GPR176: variants seen among roughly 807,000 people sequenced by gnomAD.
The protein encoded by GPR176 is G protein-coupled receptor 176.
Under a neutral mutation model 35.4 loss-of-function variants are expected in GPR176, and 26 were observed. The observed-to-expected ratio is 0.74, with a 90% CI of 0.54 to 1.02. GPR176 has a LOEUF of 1.02. GPR176 is among the 50% of genes least tolerant of loss of function. The probability of loss-of-function intolerance (pLI) is 0.00; values close to 1 mark genes in which losing one functional copy is unlikely to be tolerated. For missense variants in GPR176, 597 were observed against 665.3 expected, an observed-to-expected ratio of 0.90 and a Z score of 1.13; for synonymous variants, 278 against 271.3, an observed-to-expected ratio of 1.02 and a Z score of -0.24.
intron 1 of GPR176, among the ~76,000 whole-genome samples, chr15:39,906,394 G>A (rs189328336): frequency 1.4e-4 from 22 of 152,328 alleles, no homozygotes; most frequent in Non-Finnish European, 1.5e-5. Context: ...TAATAGCCAT[G>A]TGTGTCAGCA....
intron 1 of GPR176, among the ~76,000 whole-genome samples, chr15:39,876,102 G>A (rs1442107850): frequency 6.6e-6 from 1 of 151,822 alleles, no homozygotes; most frequent in Admixed American, 6.6e-5. Flanking sequence ...AGTGAGCCAC[G>A]ATCCTGCCAC....
chr15:39,851,936 T>G (rs1334184215), intron 1 of GPR176, among the ~76,000 whole-genome samples: 3 of 152,166 alleles, frequency 2.0e-5, no homozygotes, highest in Non-Finnish European at 4.4e-5. Context: ...AGTGCTTCCT[T>G]GGCTGCTATC....
At chr15:39,859,537 G>A (rs948651329) in intron 1 of GPR176, among the ~76,000 whole-genome samples, 1 of 151,032 alleles carries the variant, frequency 6.6e-6, no homozygotes, top group Non-Finnish European at 1.5e-5. Flanking sequence ...CAAGGATGCA[G>A]AGAAATTGGA....
intron 1 of GPR176, among the ~76,000 whole-genome samples, chr15:39,853,084 G>A (rs969588276): frequency 6.6e-6 from 1 of 152,048 alleles, no homozygotes; most frequent in Non-Finnish European, 1.5e-5. Context: ...CAAAAGAACT[G>A]AAATCTGAAT....
intron 1 of GPR176, among the ~76,000 whole-genome samples, chr15:39,903,731 C>A (rs1753725131): frequency 1.3e-5 from 2 of 152,056 alleles, no homozygotes; most frequent in Admixed American, 1.3e-4. Context: ...AAAACTGCAT[C>A]ATGAATTTTA....
chr15:39,807,068 T>G lies in GPR176; in HGVS notation c.363A>C (p.Lys121Asn), dbSNP rs1241111685. 1 of 1,613,820 alleles carries G rather than the reference T, an allele frequency of 6.2e-7. No individual in the cohort carries two copies. Among genetic ancestry groups the G allele is most frequent in the Admixed American group, 1.7e-5 (1 of 59,974 alleles). Residue 121 changes from lysine to asparagine, a missense_variant, in exon 2 of 3, where the codon AAA (lysine) becomes AAC (asparagine). By Grantham distance (94) the Lys-to-Asn change is moderately conservative. This residue lies in a region of GPR176 where 220 missense variants were observed against 297.6 expected (regional missense o/e 0.74). Coordinates refer to ENST00000561100, the MANE Select transcript of GPR176 (RefSeq NM_007223.3). ...IYTMLFCKVVKFLHKVFCSVT... is the reference protein window; with the variant it reads ...IYTMLFCKVVNFLHKVFCSVT... The stretch of plus-strand genomic sequence containing the variant: ...CAGAGCAGAATACTTTGTGCAAAAA[T>G]TTGACGACCTTGCAGAAGAGCATGG...
chr15:39,807,464 T>C, intron 1 of GPR176: 1 of 1,011,442 alleles, frequency 9.9e-7, no homozygotes, highest in Non-Finnish European at 1.4e-6. Flanking sequence ...TCAATAAGTC[T>C]AGAAAAAATT....
intron 1 of GPR176, chr15:39,829,399 G>A: frequency 8.5e-7 from 1 of 1,175,260 alleles, no homozygotes; most frequent in Non-Finnish European, 1.1e-6. Flanking sequence ...TCAAATCTAG[G>A]AAAGCCCTGT....
chr15:39,808,492 T>C (rs868146489), intron 1 of GPR176, among the ~76,000 whole-genome samples: 1 of 152,308 alleles, frequency 6.6e-6, no homozygotes. Flanking sequence ...AATGCTGCCT[T>C]GTCAAAAAAG....
chr15:39,890,596 G>C (rs1826312), intron 1 of GPR176, among the ~76,000 whole-genome samples: 69 of 151,836 alleles, frequency 4.5e-4, no homozygotes, highest in African/African-American at 1.5e-3. Context: ...TTTTTAAACA[G>C]GTTTGTGGCA....
intron 1 of GPR176, chr15:39,814,855 G>A (rs1369434648): frequency 1.3e-5 from 2 of 152,176 alleles, no homozygotes; most frequent in Non-Finnish European, 2.9e-5. Flanking sequence ...CATAGATCCT[G>A]AAACCCAACT....
chr15:39,820,948 C>CATTAGTCACGT (rs1900232007), intron 1 of GPR176, among the ~76,000 whole-genome samples: 1 of 152,190 alleles, frequency 6.6e-6, no homozygotes, highest in African/African-American at 2.4e-5. Flanking sequence ...CTTTCTGTGC[C>CATTAGTCACGT]TGAATCTTCA....
In GPR176 at chr15:39,837,094, A is replaced by T. The variant is rs145615142; in HGVS notation, c.173-29836T>A. On this transcript the variant is annotated intron_variant, in intron 1 of 2. Transcript: ENST00000561100. ...AAAAGCTGAGTTATCAGTCTAGGGAAGGACTTTCACAATATCCACTGCCTA... is the reference window on the plus strand; with the variant it reads ...AAAAGCTGAGTTATCAGTCTAGGGATGGACTTTCACAATATCCACTGCCTA... Among the ~76,000 whole-genome samples the T allele has an allele frequency of 1.6e-3, 239 of 152,272 alleles. 2 individuals carry two copies. The highest frequency in any genetic ancestry group is 5.5e-3 in the African/African-American group (228 of 41,562).
intron 1 of GPR176, among the ~76,000 whole-genome samples, chr15:39,851,569 T>C (rs1327724935): frequency 6.6e-6 from 1 of 152,192 alleles, no homozygotes; most frequent in Admixed American, 6.5e-5. Context: ...AGACACATGA[T>C]GAGGGTCTGG....
At chr15:39,838,807 A>G (rs1268486799) in intron 1 of GPR176, among the ~76,000 whole-genome samples, 1 of 152,200 alleles carries the variant, frequency 6.6e-6, no homozygotes, top group Non-Finnish European at 1.5e-5. Context: ...ACTCCTATTC[A>G]ACATAGTGTT....
At chr15:39,867,614 G>A (rs2031882276) in intron 1 of GPR176, among the ~76,000 whole-genome samples, 1 of 152,150 alleles carries the variant, frequency 6.6e-6, no homozygotes, top group African/African-American at 2.4e-5. Context: ...TGCGGGGTGG[G>A]GAGGATTTTA....
intron 1 of GPR176, among the ~76,000 whole-genome samples, chr15:39,869,081 C>T (rs2031945586): frequency 1.3e-5 from 2 of 149,456 alleles, no homozygotes; most frequent in Admixed American, 1.3e-4. Context: ...TTTCCAAAAG[C>T]ACTGTGTATA....
At chr15:39,807,280 T>G in intron 1 of GPR176, 22 bp from the exon 2 acceptor site, 1 of 1,381,288 alleles carries the variant, frequency 7.2e-7, no homozygotes, top group Non-Finnish European at 9.6e-7. Flanking sequence ...TGAAAGAAAA[T>G]AAAATAATTT....
At chr15:39,915,433 G>C (rs185167529) in intron 1 of GPR176, among the ~76,000 whole-genome samples, 29 of 152,234 alleles carry the variant, frequency 1.9e-4, no homozygotes, top group Admixed American at 6.5e-4. Flanking sequence ...CTAATAACAT[G>C]ACATTGGGGA....
Sources: allele counts gnomAD v4.1 joint callset (sites outside exome capture counted in the v4.1 genomes callset), GRCh38; gene constraint gnomAD v4.1.1; regional missense constraint gnomAD v4.1.1; transcripts MANE v1.5; gene names NCBI Gene and HGNC (gene_info 2026-07-23, HGNC 2026-07-21).